Variants in NYAP2 observed in about 807,000 individuals in gnomAD.
NYAP2 encodes neuronal tyrosine-phosphorylated phosphoinositide-3-kinase adaptor 2, also known as neuronal tyrosine-phosphorylated phosphoinositide-3-kinase adapter 2.
Under a neutral mutation model 50.4 loss-of-function variants are expected in NYAP2, and 23 were observed. The ratio of observed to expected loss-of-function variants is 0.46; its 90% CI spans 0.33 to 0.65. The LOEUF (loss-of-function observed/expected upper bound fraction) is 0.65. Ranked by LOEUF, NYAP2 falls within the 30% of genes least tolerant of loss-of-function variation. The pLI is 0.02. For missense variants in NYAP2, 885 were observed against 861.0 expected, an observed-to-expected ratio of 1.03 and a Z score of -0.35; for synonymous variants, 394 against 365.2, an observed-to-expected ratio of 1.08 and a Z score of -0.90.
At chr2:225,579,356 G>T (rs16866652) in intron 4 of NYAP2, among the ~76,000 whole-genome samples, 7,041 of 152,096 alleles carry the variant, frequency 0.046, 523 homozygotes, top group African/African-American at 0.16. Flanking sequence ...TTTGTTTCCC[G>T]TGTCATACAA....
chr2:225,511,327 A>AACACACACACACACACAC (rs571887973), intron 3 of NYAP2, among the ~76,000 whole-genome samples: 1 of 129,916 alleles, frequency 7.7e-6, no homozygotes, highest in African/African-American at 3.0e-5. Flanking sequence ...CGTTCTTTAA[A>AACACACACACACACACAC]ACACACACAC....
chr2:225,576,346 T>A (rs1300948967), intron 4 of NYAP2, among the ~76,000 whole-genome samples: 1 of 152,190 alleles, frequency 6.6e-6, no homozygotes, highest in Non-Finnish European at 1.5e-5. Context: ...TGTACATGAT[T>A]ACACTTTCTT....
intron 4 of NYAP2, among the ~76,000 whole-genome samples, chr2:225,540,720 C>T (rs1441709276): frequency 1.4e-4 from 22 of 152,188 alleles, no homozygotes; most frequent in Non-Finnish European, 5.9e-5. Context: ...CAAATCTTGG[C>T]TGTTGTGAGT....
At chr2:225,549,486 C>T (rs970672267) in intron 4 of NYAP2, among the ~76,000 whole-genome samples, 3 of 152,092 alleles carry the variant, frequency 2.0e-5, no homozygotes, top group African/African-American at 7.2e-5. Flanking sequence ...GGAGTCATTG[C>T]TGATGGGAAA....
At chr2:225,526,657 T>C (rs1691157685) in intron 4 of NYAP2, among the ~76,000 whole-genome samples, 1 of 152,230 alleles carries the variant, frequency 6.6e-6, no homozygotes. Flanking sequence ...GCCTTGTTAA[T>C]GCCTTTGTTC....
intron 3 of NYAP2, among the ~76,000 whole-genome samples, chr2:225,446,003 A>G (rs1559181753): frequency 6.6e-6 from 1 of 151,978 alleles, no homozygotes; most frequent in Non-Finnish European, 1.5e-5. Flanking sequence ...TTATTAAGTA[A>G]TTAAATGACT....
At chr2:225,420,667 G>A (rs1695199815) in intron 3 of NYAP2, among the ~76,000 whole-genome samples, 1 of 150,876 alleles carries the variant, frequency 6.6e-6, no homozygotes, top group East Asian at 2.0e-4. Context: ...GCTGAGTGCA[G>A]TGACGTGATC....
intron 3 of NYAP2, among the ~76,000 whole-genome samples, chr2:225,435,168 G>A (rs1164306163): frequency 6.6e-6 from 1 of 152,068 alleles, no homozygotes; most frequent in East Asian, 1.9e-4. Flanking sequence ...TTATATCCCA[G>A]ACAGTTGCTA....
chr2:225,623,208 G>A (rs1007325258), intron 5 of NYAP2, among the ~76,000 whole-genome samples: 2 of 152,204 alleles, frequency 1.3e-5, no homozygotes, highest in Non-Finnish European at 2.9e-5. Flanking sequence ...TTTATTCAGA[G>A]CTTGCATTTG....
intron 4 of NYAP2, among the ~76,000 whole-genome samples, chr2:225,525,177 TTCTTAA>T (rs1691129924): frequency 6.6e-6 from 1 of 152,230 alleles, no homozygotes; most frequent in Non-Finnish European, 1.5e-5. Flanking sequence ...GTATGGGCAT[TTCTTAA>T]AGAAGTAAAA....
At chr2:225,446,502 G>A (rs1442828814) in intron 3 of NYAP2, among the ~76,000 whole-genome samples, 1 of 151,798 alleles carries the variant, frequency 6.6e-6, no homozygotes, top group Non-Finnish European at 1.5e-5. Flanking sequence ...ATGAGAAAGT[G>A]TTATGAAGTT....
chr2:225,494,589 G>T (rs1023893056), intron 3 of NYAP2, among the ~76,000 whole-genome samples: 3 of 152,170 alleles, frequency 2.0e-5, no homozygotes, highest in African/African-American at 4.8e-5. Flanking sequence ...CAGAAAATTA[G>T]GTCCTAGAGA....
chr2:225,621,122 A>C (rs867268255), intron 5 of NYAP2, among the ~76,000 whole-genome samples: 4 of 152,136 alleles, frequency 2.6e-5, no homozygotes, highest in South Asian at 4.2e-4. Flanking sequence ...CAAAAAAAAA[A>C]AAAAAAAAAA....
At chr2:225,406,482 C>G (rs1694941677) in intron 2 of NYAP2, among the ~76,000 whole-genome samples, 1 of 151,834 alleles carries the variant, frequency 6.6e-6, no homozygotes, top group Non-Finnish European at 1.5e-5. Flanking sequence ...TTATTTTGCT[C>G]TAACACTGCC....
rs765122978 is a variant in NYAP2, at chr2:225,582,776, G to T, written c.1359G>T (p.Arg453Ser). 3 of 1,613,776 alleles carry T rather than the reference G, an allele frequency of 1.9e-6. No individual in the cohort carries two copies. Among genetic ancestry groups the T allele is most frequent in the African/African-American group, 1.3e-5 (1 of 74,986 alleles). Reference sequence around the variant, plus strand: ...CCCTGACTCCCCTGAGCCTCAAAAGGCCTCCCCCTTACGACGCTGTGCATT... The same window carrying T: ...CCCTGACTCCCCTGAGCCTCAAAAGTCCTCCCCCTTACGACGCTGTGCATT... Residue 453 changes from arginine to serine, a missense_variant, in exon 5 of 7, where the codon AGG becomes AGT. By Grantham distance (110) the Arg-to-Ser change is moderately radical. Coordinates refer to ENST00000636099, the Ensembl canonical transcript of NYAP2. The surrounding 1 kb of genome is among the most constrained non-coding windows in gnomAD (Gnocchi z 7.0).
At chr2:225,484,561 G>A (rs754187847) in intron 3 of NYAP2, among the ~76,000 whole-genome samples, 8 of 152,210 alleles carry the variant, frequency 5.3e-5, no homozygotes, top group Non-Finnish European at 1.0e-4. Context: ...GAGCTAGTTA[G>A]CTCAACTAGC....
intron 5 of NYAP2, among the ~76,000 whole-genome samples, chr2:225,590,037 C>T (rs1692469888): frequency 6.6e-6 from 1 of 152,206 alleles, no homozygotes; most frequent in Admixed American, 6.5e-5. Context: ...AGGAGTTGAG[C>T]TATACCCAGA....
intron 4 of NYAP2, among the ~76,000 whole-genome samples, chr2:225,520,335 G>A (rs571232215): frequency 6.6e-6 from 1 of 152,180 alleles, no homozygotes; most frequent in Non-Finnish European, 1.5e-5. Context: ...TTTTAGACAT[G>A]AAGTCCTTGC....
chr2:225,522,389 T>C (rs1261194391), intron 4 of NYAP2, among the ~76,000 whole-genome samples: 1 of 152,132 alleles, frequency 6.6e-6, no homozygotes, highest in Non-Finnish European at 1.5e-5. Flanking sequence ...GTTTTAGACA[T>C]GTTTAGTAAA....
Sources: allele counts gnomAD v4.1 joint callset (sites outside exome capture counted in the v4.1 genomes callset), GRCh38; gene constraint gnomAD v4.1.1; non-coding constraint Gnocchi (gnomAD v3.1); transcripts MANE v1.5; gene names NCBI Gene and HGNC (gene_info 2026-07-23, HGNC 2026-07-21).